Variants in TVP23A observed in about 807,000 individuals in gnomAD.
TVP23A encodes Golgi apparatus membrane protein TVP23 homolog A.
In TVP23A, 21 loss-of-function variants were observed where a neutral mutation model predicts 31.7. The ratio of observed to expected loss-of-function variants is 0.66; its 90% CI spans 0.47 to 0.95. TVP23A has a LOEUF of 0.95. Ranked by LOEUF, TVP23A falls within the 40% of genes least tolerant of loss-of-function variation. The probability of loss-of-function intolerance (pLI) is 0.00; values close to 1 mark genes in which losing one functional copy is unlikely to be tolerated. For missense variants in TVP23A, 279 were observed against 255.6 expected, an observed-to-expected ratio of 1.09 and a Z score of -0.62; for synonymous variants, 104 against 96.0, an observed-to-expected ratio of 1.08 and a Z score of -0.49.
At chr16:10,783,250 T>A (rs925867117) in intron 2 of TVP23A, among the ~76,000 whole-genome samples, 1 of 152,210 alleles carries the variant, frequency 6.6e-6, no homozygotes, top group South Asian at 2.1e-4. Flanking sequence ...ATTTTACATG[T>A]GATACAATCC....
chr16:10,761,337 G>A (rs2029879057), exon 9 of TVP23A: 3 of 1,603,996 alleles, frequency 1.9e-6, no homozygotes, highest in Non-Finnish European at 2.6e-6. Flanking sequence ...TTTGATGCTG[G>A]AATCACTGGT....
intron 2 of TVP23A, among the ~76,000 whole-genome samples, chr16:10,790,705 T>G (rs566103244): frequency 6.6e-6 from 1 of 152,262 alleles, no homozygotes; most frequent in East Asian, 1.9e-4. Context: ...AATTTATGGT[T>G]TGTAGGGGTC....
At chr16:10,790,441 T>C (rs556048028) in intron 2 of TVP23A, among the ~76,000 whole-genome samples, 1 of 152,030 alleles carries the variant, frequency 6.6e-6, no homozygotes, top group African/African-American at 2.4e-5. Flanking sequence ...CCCGCCACCA[T>C]GCCTGGCTAA....
chr16:10,809,067 C>T (rs967815914), intron 2 of TVP23A, among the ~76,000 whole-genome samples: 7 of 152,128 alleles, frequency 4.6e-5, no homozygotes, highest in African/African-American at 9.7e-5. Context: ...GCCCAGGATG[C>T]GGAAGTCACA....
chr16:10,810,057 A>C (rs2034123216), intron 2 of TVP23A, among the ~76,000 whole-genome samples: 1 of 152,236 alleles, frequency 6.6e-6, no homozygotes, highest in Admixed American at 6.5e-5. Flanking sequence ...GACCATCAAA[A>C]GGAATGAAAT....
intron 2 of TVP23A, among the ~76,000 whole-genome samples, chr16:10,790,881 C>T (rs2033066065): frequency 6.6e-6 from 1 of 152,046 alleles, no homozygotes; most frequent in Non-Finnish European, 1.5e-5. Context: ...TATTAAGGTC[C>T]CTGTGTTAAT....
chr16:10,782,992 C>T (rs2032514446), intron 2 of TVP23A, among the ~76,000 whole-genome samples: 1 of 152,104 alleles, frequency 6.6e-6, no homozygotes, highest in Admixed American at 6.5e-5. Context: ...AACCCACACT[C>T]CAAAAAAATC....
intron 3 of TVP23A, among the ~76,000 whole-genome samples, chr16:10,774,553 G>T (rs2031859988): frequency 6.7e-6 from 1 of 150,356 alleles, no homozygotes; most frequent in Non-Finnish European, 1.5e-5. Context: ...AGTGCCACGA[G>T]ATCTGATGGT....
At position 10,768,244 on chromosome 16, in the gene TVP23A, A is replaced by G. The variant is rs1356101564; in HGVS notation, c.*858T>C. 1 of 418,930 alleles carries G rather than the reference A, an allele frequency of 2.4e-6. No individual in the cohort carries two copies. Among genetic ancestry groups the G allele is most frequent in the East Asian group, 3.8e-5 (1 of 26,216 alleles). 26.0% of individuals were successfully genotyped at this position (418,930 alleles called of 1,614,324 possible). A position where few individuals can be genotyped will look rare whatever the true frequency, so the allele number is the denominator to read the frequency against. The stretch of plus-strand genomic sequence containing the variant: ...GTTTAAAAAACATGGTGAGGGTGAA[A>G]TTTATGGCTTAGGAAATACATCCCA... On this transcript the variant is annotated 3_prime_UTR_variant, in exon 8 of 8. Coordinates refer to ENST00000299866, the MANE Select transcript of TVP23A (RefSeq NM_001079512.4). This position sits in a 1 kb window ranked among gnomAD's most constrained non-coding sequence, Gnocchi z 4.3.
downstream of TVP23A, among the ~76,000 whole-genome samples, chr16:10,762,330 C>T (rs1084543): frequency 3.9e-5 from 6 of 152,166 alleles, no homozygotes; most frequent in East Asian, 1.9e-4. Context: ...CACTGGCCTG[C>T]GAGCAGGGGC....
intron 2 of TVP23A, among the ~76,000 whole-genome samples, chr16:10,799,964 A>G (rs2142996807): frequency 7.2e-6 from 1 of 138,252 alleles, no homozygotes; most frequent in Admixed American, 7.3e-5. Flanking sequence ...TGCAGAAGTT[A>G]TGGAGCCTTT....
rs778936268 is a variant in TVP23A at position 10,771,718 on chromosome 16, G to A, written c.534C>T (p.Asp178=). ...GGAAACTGGCTGTGACCTTGCCAAT[G>A]TCACTGTTGCCTCCCATCTTACAAA... The part of the protein sequence containing the change: ...YILCKMGGNS[D]IGKVTASFLS... The change falls in exon 6 of 8, where the codon GAC becomes GAT. Residue 178 remains aspartate (D), a synonymous_variant. Transcript: ENST00000299866. 3.1e-6 allele frequency: 5 copies of A among 1,613,024 alleles called. No individual in the cohort carries two copies. The highest frequency in any genetic ancestry group is 2.2e-5 in the East Asian group (1 of 44,884).
At chr16:10,757,886 G>A, downstream of TVP23A, 1 of 1,613,866 alleles carries the variant, frequency 6.2e-7, no homozygotes, top group Non-Finnish European at 8.5e-7. This position sits in a 1 kb window ranked among gnomAD's most constrained non-coding sequence, Gnocchi z 4.1. Flanking sequence ...TGATCAAGCA[G>A]TTCCTCCGAG....
At chr16:10,807,883 GT>G (rs1386118784) in intron 2 of TVP23A, among the ~76,000 whole-genome samples, 1 of 152,146 alleles carries the variant, frequency 6.6e-6, no homozygotes, top group East Asian at 1.9e-4. Context: ...AATCTCCTCT[GT>G]TTTTTCTTTT....
In TVP23A at chr16:10,774,994, G is replaced by A. The variant is rs1240000703; in HGVS notation, c.192C>T (p.Val64=). The change falls in exon 3 of 8, where the codon GTC becomes GTT. Residue 64 remains valine (V), a synonymous_variant. Transcript: ENST00000299866. ...CCAGGGACAGGAGGAGCAGCACCAT[G>A]ACAAAACAGCCCACAAAGCTCTTGC... is the stretch of plus-strand genomic sequence containing the variant. The part of the protein sequence containing the change: ...WFSKSFVGCF[V]MVLLLLSLDF... The A allele has an allele frequency of 6.2e-7, 1 of 1,612,826 alleles. No homozygotes were observed. Among genetic ancestry groups the A allele is most frequent in the African/African-American group, 1.3e-5 (1 of 74,858 alleles).
intron 2 of TVP23A, among the ~76,000 whole-genome samples, chr16:10,808,362 G>A (rs1008262903): frequency 6.6e-6 from 1 of 152,004 alleles, no homozygotes; most frequent in African/African-American, 2.4e-5. Flanking sequence ...GCTAGTTAGG[G>A]ATTTTCAGGG....
In TVP23A at chr16:10,767,815, A is replaced by T; in HGVS notation, c.*1287T>A. On this transcript the variant is annotated 3_prime_UTR_variant, in exon 8 of 8. Transcript: ENST00000299866. The surrounding 1 kb of genome is among the most constrained non-coding windows in gnomAD (Gnocchi z 4.6). ...CCCTGAGACCCCACTGGTCTTTTCT[A>T]CTTTGTTCTTCATTACGAGTGAAGC... is the stretch of plus-strand genomic sequence containing the variant. 1 of 784,482 alleles carries T rather than the reference A, an allele frequency of 1.3e-6. No homozygotes were observed. The highest frequency in any genetic ancestry group is 2.1e-6 in the Non-Finnish European group (1 of 474,192). 48.6% of individuals were successfully genotyped at this position (784,482 alleles called of 1,614,324 possible).
rs9888994 is a variant in TVP23A at position 10,813,872 on chromosome 16, A to G, written c.89+4231T>C. 7.1e-3 allele frequency among the ~76,000 whole-genome samples: 1,074 copies of G among 151,870 alleles called. 7 individuals are homozygous for G. The highest frequency in any genetic ancestry group is 0.02 in the African/African-American group (821 of 41,454). ...AAAATTAGCCAGCGTGGTGGCACGC[A>G]CCTGTAATCCCAGCTACTCAGGAGG... On this transcript the variant is annotated intron_variant, in intron 2 of 7. Transcript: ENST00000299866.
At chr16:10,814,399 C>T (rs1370954310) in intron 2 of TVP23A, among the ~76,000 whole-genome samples, 1 of 152,194 alleles carries the variant, frequency 6.6e-6, no homozygotes, top group East Asian at 1.9e-4. Flanking sequence ...ATCTTTCCCC[C>T]AGAAGTGCTT....
Sources: gnomAD v4.1 joint callset for allele counts (sites outside exome capture counted in the v4.1 genomes callset) on GRCh38, gnomAD v4.1.1 for gene constraint, Gnocchi (gnomAD v3.1) non-coding constraint, MANE v1.5 for transcripts, NCBI Gene and HGNC (gene_info 2026-07-23, HGNC 2026-07-21) for gene names.